Variants in TBC1D1 observed in about 807,000 individuals in gnomAD.
TBC1D1 encodes TBC1 (tre-2/USP6, BUB2, cdc16) domain family, member 1.
Under a neutral mutation model 125.6 loss-of-function variants are expected in TBC1D1, and 89 were observed. The ratio of observed to expected loss-of-function variants is 0.71; its 90% confidence interval spans 0.60 to 0.85. The LOEUF (loss-of-function observed/expected upper bound fraction) is 0.85. Ranked by LOEUF, TBC1D1 falls within the 40% of genes least tolerant of loss-of-function variation. The pLI is 0.00. For synonymous variants in TBC1D1, 565 were observed against 564.1 expected, an observed-to-expected ratio of 1.00 and a Z score of -0.02; for missense variants, 1,377 against 1,469.2, an observed-to-expected ratio of 0.94 and a Z score of 1.03.
intron 2 of TBC1D1, among the ~76,000 whole-genome samples, chr4:38,003,535 G>A (rs929755500): frequency 6.6e-5 from 10 of 152,140 alleles, no homozygotes; most frequent in African/African-American, 2.4e-4. Flanking sequence ...TGTACTGAAA[G>A]GTAGATGGAA....
At chr4:38,001,225 A>C (rs993697142) in intron 2 of TBC1D1, among the ~76,000 whole-genome samples, 10 of 144,732 alleles carry the variant, frequency 6.9e-5, no homozygotes, top group Non-Finnish European at 1.3e-4. Flanking sequence ...GTCTCAAAAA[A>C]AGAAAGAAAG....
In TBC1D1 at chr4:38,108,628, G is replaced by A. The variant is rs543346164; in HGVS notation, c.2557+5471G>A. Among the ~76,000 whole-genome samples the A allele has an allele frequency of 1.4e-4, 22 of 152,330 alleles. 1 individual carries two copies. Among genetic ancestry groups the A allele is most frequent in the African/African-American group, 4.1e-4 (17 of 41,574 alleles). On this transcript the variant is annotated intron_variant, in intron 15 of 19. Coordinates refer to ENST00000261439, the MANE Select transcript of TBC1D1 (RefSeq NM_015173.4). Reference sequence around the variant, plus strand: ...CCTGTGCTGCCGCGAGACGCTAAGCGTGTGTCCAGACTACACGTGTGGGTC... The same window carrying A: ...CCTGTGCTGCCGCGAGACGCTAAGCATGTGTCCAGACTACACGTGTGGGTC...
At chr4:38,115,258 G>A (rs1457246923) in intron 15 of TBC1D1, among the ~76,000 whole-genome samples, 4 of 151,790 alleles carry the variant, frequency 2.6e-5, no homozygotes, top group South Asian at 2.1e-4. Flanking sequence ...CTGCCACCAC[G>A]CCTGACTAAT....
At chr4:37,902,967 A>G (rs1183931304) in intron 2 of TBC1D1, among the ~76,000 whole-genome samples, 1 of 152,186 alleles carries the variant, frequency 6.6e-6, no homozygotes, top group Non-Finnish European at 1.5e-5. Flanking sequence ...TTGCACTTTG[A>G]GTGGCAAAGT....
At chr4:37,944,310 C>T (rs1475172297) in intron 2 of TBC1D1, among the ~76,000 whole-genome samples, 3 of 152,102 alleles carry the variant, frequency 2.0e-5, no homozygotes, top group East Asian at 1.9e-4. Flanking sequence ...GCAGTCTGTC[C>T]GTTCTCAGAT....
intron 18 of TBC1D1, among the ~76,000 whole-genome samples, chr4:38,128,242 T>A (rs972334176): frequency 6.6e-6 from 1 of 152,122 alleles, no homozygotes; most frequent in East Asian, 1.9e-4. Flanking sequence ...AGAAAGTAGA[T>A]CTACCCGCAT....
chr4:37,907,357 T>C (rs1283507375), intron 2 of TBC1D1, among the ~76,000 whole-genome samples: 2 of 152,214 alleles, frequency 1.3e-5, no homozygotes, highest in African/African-American at 2.4e-5. Context: ...TGCACTTTAT[T>C]ATGTTAAAAT....
At chr4:37,954,887 G>GGCT (rs1728622094) in intron 2 of TBC1D1, among the ~76,000 whole-genome samples, 2 of 72,556 alleles carry the variant, frequency 2.8e-5, no homozygotes, top group South Asian at 5.1e-4. Context: ...TTTTGAAACA[G>GGCT]TCTTTTTTTT....
intron 15 of TBC1D1, chr4:38,110,242 A>G (rs1439248120): frequency 5.1e-6 from 5 of 985,312 alleles, no homozygotes; most frequent in East Asian, 1.1e-4. Context: ...TTCTCACAGC[A>G]CCGTACAGGG....
chr4:38,033,797 G>A (rs749250450), intron 7 of TBC1D1, among the ~76,000 whole-genome samples: 1 of 152,152 alleles, frequency 6.6e-6, no homozygotes, highest in Non-Finnish European at 1.5e-5. Flanking sequence ...TCACACAGTA[G>A]CCTTTTCAGA....
At chr4:38,084,542 A>G (rs1296824423) in intron 12 of TBC1D1, among the ~76,000 whole-genome samples, 1 of 152,230 alleles carries the variant, frequency 6.6e-6, no homozygotes, top group Non-Finnish European at 1.5e-5. Context: ...TTAAGTCTAC[A>G]TGGTCATTTT....
intron 2 of TBC1D1, among the ~76,000 whole-genome samples, chr4:37,903,586 A>G (rs541603721): frequency 1.3e-5 from 2 of 152,342 alleles, no homozygotes; most frequent in South Asian, 4.1e-4. Context: ...TAGAAATGCT[A>G]AAGTTTTCTC....
At chr4:38,109,330 G>A (rs1761859807) in intron 15 of TBC1D1, among the ~76,000 whole-genome samples, 1 of 151,960 alleles carries the variant, frequency 6.6e-6, no homozygotes, top group African/African-American at 2.4e-5. Context: ...ATATTTATTT[G>A]GTCATTCTGA....
chr4:38,002,033 C>G (rs35629987), intron 2 of TBC1D1, among the ~76,000 whole-genome samples: 2,253 of 152,182 alleles, frequency 0.015, 12 homozygotes, highest in Non-Finnish European at 0.022. Flanking sequence ...GTCTGTGGCA[C>G]GAAAAGTTTA....
intron 14 of TBC1D1, among the ~76,000 whole-genome samples, chr4:38,102,712 C>A (rs1760587598): frequency 6.6e-6 from 1 of 151,618 alleles, no homozygotes; most frequent in Non-Finnish European, 1.5e-5. Flanking sequence ...GACCCTGTCT[C>A]TACAAAAATA....
intron 2 of TBC1D1, among the ~76,000 whole-genome samples, chr4:37,963,587 G>A (rs1392448327): frequency 6.6e-6 from 1 of 152,198 alleles, no homozygotes; most frequent in African/African-American, 2.4e-5. Context: ...AGCCCAGGAG[G>A]TGAAGGTTGC....
intron 12 of TBC1D1, among the ~76,000 whole-genome samples, chr4:38,084,156 G>A (rs1042502642): frequency 6.6e-6 from 1 of 152,074 alleles, no homozygotes. Flanking sequence ...GGATGGTCTC[G>A]ATCTCCTGAC....
chr4:37,991,791 C>G (rs1278729953), intron 2 of TBC1D1, among the ~76,000 whole-genome samples: 1 of 152,194 alleles, frequency 6.6e-6, no homozygotes, highest in African/African-American at 2.4e-5. Context: ...TAGCCTGGCT[C>G]TGTGACCAGA....
intron 8 of TBC1D1, among the ~76,000 whole-genome samples, chr4:38,037,757 A>C (rs1747496659): frequency 2.0e-5 from 3 of 152,228 alleles, no homozygotes; most frequent in African/African-American, 7.2e-5. Flanking sequence ...TGTGCGTGTC[A>C]GGGTCGGCAG....
Sources: allele counts gnomAD v4.1 joint callset (sites outside exome capture counted in the v4.1 genomes callset), GRCh38; gene constraint gnomAD v4.1.1; transcripts MANE v1.5; gene names NCBI Gene and HGNC (gene_info 2026-07-23, HGNC 2026-07-21).